The following CCBE1 variants were observed in gnomAD, a reference collection of about 807,000 sequenced individuals.
CCBE1 encodes the protein collagen and calcium-binding EGF domain-containing protein 1.
CCBE1 carries 37 observed loss-of-function variants against 50.0 expected under a neutral mutation model. The observed-to-expected ratio is 0.74, with a 90% CI of 0.57 to 0.97. The LOEUF (loss-of-function observed/expected upper bound fraction) is 0.97. Ranked by LOEUF, CCBE1 falls within the 50% of genes least tolerant of loss-of-function variation. The probability of loss-of-function intolerance (pLI) is 0.00; values close to 1 mark genes in which losing one functional copy is unlikely to be tolerated. For synonymous variants in CCBE1, 234 were observed against 203.7 expected, an observed-to-expected ratio of 1.15 and a Z score of -1.27; for missense variants, 538 against 523.8, an observed-to-expected ratio of 1.03 and a Z score of -0.26.
chr18:59,680,685 C>T (rs1429324235), intron 2 of CCBE1, among the ~76,000 whole-genome samples: 2 of 150,044 alleles, frequency 1.3e-5, no homozygotes, highest in Non-Finnish European at 1.5e-5. Context: ...GGAGACAGAG[C>T]GAGACTCCAT....
intron 2 of CCBE1, among the ~76,000 whole-genome samples, chr18:59,667,833 T>C (rs964536424): frequency 1.1e-4 from 17 of 152,216 alleles, no homozygotes; most frequent in African/African-American, 4.1e-4. Flanking sequence ...ACGGTAATTT[T>C]CCCTGTTCAC....
intron 2 of CCBE1, among the ~76,000 whole-genome samples, chr18:59,499,356 C>T (rs1406436925): frequency 6.6e-6 from 1 of 152,220 alleles, no homozygotes; most frequent in Admixed American, 6.5e-5. Context: ...GGGGGGCTTT[C>T]TGAAGTCCAA....
chr18:59,620,379 C>T (rs1272080842), intron 2 of CCBE1, among the ~76,000 whole-genome samples: 1 of 152,144 alleles, frequency 6.6e-6, no homozygotes, highest in Non-Finnish European at 1.5e-5. Context: ...ATTTGCAGGG[C>T]TAGAATGTGG....
intron 2 of CCBE1, among the ~76,000 whole-genome samples, chr18:59,530,804 T>C (rs968136494): frequency 3.9e-5 from 6 of 152,206 alleles, no homozygotes; most frequent in African/African-American, 1.2e-4. Flanking sequence ...CACATCCCCA[T>C]TGTTCTCAGA....
At chr18:59,659,421 G>A (rs2054252088) in intron 2 of CCBE1, among the ~76,000 whole-genome samples, 1 of 151,890 alleles carries the variant, frequency 6.6e-6, no homozygotes, top group East Asian at 1.9e-4. Context: ...AGTGCTTTAT[G>A]CATTCTCTCG....
At chr18:59,458,736 A>T (rs1911324500) in intron 5 of CCBE1, among the ~76,000 whole-genome samples, 2 of 152,158 alleles carry the variant, frequency 1.3e-5, no homozygotes, top group South Asian at 4.1e-4. Context: ...TGTTGAGAAC[A>T]CCTGAGAGCT....
In CCBE1 at chr18:59,464,352, C is replaced by T. The variant is rs576827418; in HGVS notation, c.553+2387G>A. On this transcript the variant is annotated intron_variant, in intron 5 of 10. Transcript: ENST00000439986. ...CTGAGGCAGGAGAGCCCCTTGAACCCGGGAGGCTGAATTTGCAGTGAGCTG... is the reference window on the plus strand; with the variant it reads ...CTGAGGCAGGAGAGCCCCTTGAACCTGGGAGGCTGAATTTGCAGTGAGCTG... Among the ~76,000 whole-genome samples the T allele has an allele frequency of 3.6e-4, 55 of 152,258 alleles. 1 individual carries two copies. The highest frequency in any genetic ancestry group is 1.3e-4 in the Admixed American group (2 of 15,296).
chr18:59,503,395 TAG>T (rs1375626691), intron 2 of CCBE1, among the ~76,000 whole-genome samples: 1 of 152,196 alleles, frequency 6.6e-6, no homozygotes, highest in East Asian at 1.9e-4. Context: ...AACTGAGGTT[TAG>T]AGAGGTTAGG....
At chr18:59,581,088 T>C (rs2053077442) in intron 2 of CCBE1, among the ~76,000 whole-genome samples, 1 of 152,162 alleles carries the variant, frequency 6.6e-6, no homozygotes, top group Non-Finnish European at 1.5e-5. Context: ...CTGAGTAGAA[T>C]ATACATTGAC....
At chr18:59,693,007 C>CACAA (rs1425949791) in intron 2 of CCBE1, among the ~76,000 whole-genome samples, 12 of 146,696 alleles carry the variant, frequency 8.2e-5, no homozygotes, top group South Asian at 6.8e-4. Flanking sequence ...CACACACAAA[C>CACAA]AAAAAACGCA....
At chr18:59,665,057 C>T (rs2054335069) in intron 2 of CCBE1, among the ~76,000 whole-genome samples, 2 of 152,014 alleles carry the variant, frequency 1.3e-5, no homozygotes, top group South Asian at 4.1e-4. Context: ...GCAATTTTTT[C>T]CTCATTGCTT....
At chr18:59,520,163 T>C (rs1374232812) in intron 2 of CCBE1, among the ~76,000 whole-genome samples, 1 of 152,230 alleles carries the variant, frequency 6.6e-6, no homozygotes, top group Non-Finnish European at 1.5e-5. Context: ...CAGGCTCTTT[T>C]TTGGTTCCGT....
At chr18:59,641,057 A>C (rs1485699657) in intron 2 of CCBE1, among the ~76,000 whole-genome samples, 1 of 152,208 alleles carries the variant, frequency 6.6e-6, no homozygotes, top group Non-Finnish European at 1.5e-5. Flanking sequence ...CCATTGTGGA[A>C]AGCAATTTAG....
At chr18:59,511,454 G>C (rs1914128116) in intron 2 of CCBE1, among the ~76,000 whole-genome samples, 1 of 152,206 alleles carries the variant, frequency 6.6e-6, no homozygotes, top group Admixed American at 6.5e-5. Context: ...TCCATTTACA[G>C]TTGGGCTGAG....
chr18:59,456,690 AATGG>A (rs1305965336), intron 5 of CCBE1, among the ~76,000 whole-genome samples: 1 of 152,176 alleles, frequency 6.6e-6, no homozygotes, highest in East Asian at 1.9e-4. Context: ...CAGACACTTG[AATGG>A]ATGGAGGGAG....
chr18:59,653,537 C>T (rs1257425709), intron 2 of CCBE1, among the ~76,000 whole-genome samples: 2 of 152,134 alleles, frequency 1.3e-5, no homozygotes, highest in East Asian at 1.9e-4. Flanking sequence ...CCAATTTTTT[C>T]CCCCACAACA....
chr18:59,492,170 A>C (rs1050059676), intron 2 of CCBE1, among the ~76,000 whole-genome samples: 11 of 140,290 alleles, frequency 7.8e-5, no homozygotes, highest in African/African-American at 2.9e-4. Flanking sequence ...AAAAAAAAAG[A>C]AAAGCATTCT....
At position 59,531,789 on chromosome 18, in the gene CCBE1, C is replaced by CA. The variant is rs1458278527; in HGVS notation, c.213-51552dup. Among the ~76,000 whole-genome samples the CA allele has an allele frequency of 3.3e-5, 5 of 152,114 alleles. No individual in the cohort carries two copies. In the East Asian group the frequency reaches 9.6e-4, roughly 29 times the overall value. ...TGCTCCTGCAAGCCTACAGATCATT[C>CA]ACTCAACTGTAGGGGATTCTAGGAA... On this transcript the variant is annotated intron_variant, in intron 2 of 10. Coordinates refer to ENST00000439986, the MANE Select transcript of CCBE1 (RefSeq NM_133459.4).
chr18:59,548,556 A>G (rs569483834), intron 2 of CCBE1, among the ~76,000 whole-genome samples: 2 of 152,352 alleles, frequency 1.3e-5, no homozygotes, highest in African/African-American at 4.8e-5. Context: ...CCCTCCTGAG[A>G]GACCCTACAT....
Sources: allele counts gnomAD v4.1 joint callset (sites outside exome capture counted in the v4.1 genomes callset), GRCh38; gene constraint gnomAD v4.1.1; transcripts MANE v1.5; gene names NCBI Gene and HGNC (gene_info 2026-07-23, HGNC 2026-07-21).